DIP2C: variants seen among roughly 807,000 people sequenced by gnomAD.
The protein encoded by DIP2C is disco-interacting protein 2 homolog C.
Under a neutral mutation model 192.4 loss-of-function variants are expected in DIP2C, and 33 were observed. The observed-to-expected ratio is 0.17, with a 90% confidence interval of 0.13 to 0.23. The LOEUF is 0.23. Ranked by LOEUF, DIP2C falls within the 10% of genes least tolerant of loss-of-function variation. The probability of loss-of-function intolerance (pLI) is 1.00; values close to 1 mark genes in which losing one functional copy is unlikely to be tolerated. For missense variants in DIP2C, 1,537 were observed against 2,110.1 expected, an observed-to-expected ratio of 0.73 and a Z score of 5.32; for synonymous variants, 979 against 864.1, an observed-to-expected ratio of 1.13 and a Z score of -2.33.
At chr10:567,797 C>T (rs930459179) in intron 1 of DIP2C, among the ~76,000 whole-genome samples, 5 of 151,894 alleles carry the variant, frequency 3.3e-5, no homozygotes, top group African/African-American at 1.2e-4. Context: ...ACCACCTCAC[C>T]CTGCTGATTT....
Position 597,986 on chromosome 10 carries a change from G to A in DIP2C, c.85+91508C>T, listed in dbSNP as rs561393771. Among the ~76,000 whole-genome samples the A allele has an allele frequency of 1.1e-4, 17 of 152,280 alleles. No homozygotes were observed. In the East Asian group the frequency reaches 3.1e-3, roughly 28 times the overall value. ...CCCACGGTTCCCTACCTGGACTCTG[G>A]GGCTGACGTGGCTTCATGCACTCAG... On this transcript the variant is annotated intron_variant, in intron 1 of 36. Coordinates refer to ENST00000280886, the MANE Select transcript of DIP2C (RefSeq NM_014974.3).
intron 4 of DIP2C, among the ~76,000 whole-genome samples, chr10:436,232 G>A (rs941612643): frequency 4.6e-5 from 7 of 152,182 alleles, no homozygotes; most frequent in African/African-American, 1.7e-4. Flanking sequence ...CGGTTTCTCT[G>A]TGTATGCAGT....
chr10:542,230 C>T (rs985461919), intron 1 of DIP2C, among the ~76,000 whole-genome samples: 1 of 152,234 alleles, frequency 6.6e-6, no homozygotes, highest in Non-Finnish European at 1.5e-5. Context: ...CGAGTTACCT[C>T]CTGGGCGATG....
At chr10:511,157 T>C (rs1019801115) in intron 1 of DIP2C, among the ~76,000 whole-genome samples, 4 of 152,232 alleles carry the variant, frequency 2.6e-5, no homozygotes, top group Non-Finnish European at 4.4e-5. Context: ...ACATTCACGC[T>C]GAACACACTG....
At chr10:600,488 G>A (rs1189650481) in intron 1 of DIP2C, among the ~76,000 whole-genome samples, 3 of 150,628 alleles carry the variant, frequency 2.0e-5, no homozygotes, top group African/African-American at 5.0e-5. Context: ...TAAAGACGAC[G>A]GCCCAGGGTG....
chr10:363,445 T>A lies in DIP2C; in HGVS notation c.2478-134A>T, dbSNP rs191711028. 2.3e-3 allele frequency: 1,653 copies of A among 709,320 alleles called. 14 individuals are homozygous for A. The highest frequency in any genetic ancestry group is 0.016 in the Middle Eastern group (64 of 4,096). 43.9% of individuals were successfully genotyped at this position (709,320 alleles called of 1,614,324 possible). A position where few individuals can be genotyped will look rare whatever the true frequency, so the allele number is the denominator to read the frequency against. ...TACGACTTCAAAACGGCCGCTGTACTTCCGAATTTCCCCACACTCATCAGT... is the reference window on the plus strand; with the variant it reads ...TACGACTTCAAAACGGCCGCTGTACATCCGAATTTCCCCACACTCATCAGT... On this transcript the variant is annotated intron_variant, in intron 20 of 36. Transcript: ENST00000280886. The surrounding 1 kb of genome is among the most constrained non-coding windows in gnomAD (Gnocchi z 5.4).
At chr10:365,808 T>A (rs936823866) in intron 19 of DIP2C, among the ~76,000 whole-genome samples, 5 of 152,130 alleles carry the variant, frequency 3.3e-5, no homozygotes, top group African/African-American at 7.2e-5. Flanking sequence ...ACACGTGTGC[T>A]CGAGTTCTCA....
At chr10:573,440 CCT>C (rs1166859727) in intron 1 of DIP2C, among the ~76,000 whole-genome samples, 1 of 152,192 alleles carries the variant, frequency 6.6e-6, no homozygotes, top group Non-Finnish European at 1.5e-5. Context: ...ACAGGGTCGC[CCT>C]CTGTCAACAA....
chr10:280,576 G>C (rs976284064), intron 36 of DIP2C, among the ~76,000 whole-genome samples: 1 of 152,216 alleles, frequency 6.6e-6, no homozygotes, highest in Non-Finnish European at 1.5e-5. Flanking sequence ...ACCTACTGCT[G>C]AATCTCCGGC....
chr10:608,057 C>T (rs974702860), intron 1 of DIP2C, among the ~76,000 whole-genome samples: 5 of 151,178 alleles, frequency 3.3e-5, no homozygotes, highest in Non-Finnish European at 7.4e-5. Context: ...AAATGTTCAT[C>T]AGCAAATCTG....
chr10:403,754 G>A (rs1382772292), intron 9 of DIP2C, among the ~76,000 whole-genome samples: 2 of 150,964 alleles, frequency 1.3e-5, no homozygotes, highest in African/African-American at 4.9e-5. Context: ...ATCAGCCCAT[G>A]AATCCTGTGA....
intron 1 of DIP2C, among the ~76,000 whole-genome samples, chr10:676,655 T>G (rs1830887796): frequency 6.6e-6 from 1 of 151,876 alleles, no homozygotes; most frequent in East Asian, 1.9e-4. Flanking sequence ...GCAATCCCAT[T>G]TAGCTACAAA....
At position 277,306 on chromosome 10, in the gene DIP2C, T is replaced by C. The variant is rs201760359; in HGVS notation, c.*19A>G. 30 of 1,612,366 alleles carry C rather than the reference T, an allele frequency of 1.9e-5. No individual in the cohort carries two copies. The highest frequency in any genetic ancestry group is 2.5e-5 in the Non-Finnish European group (29 of 1,179,410). On this transcript the variant is annotated 3_prime_UTR_variant, in exon 37 of 37. Transcript: ENST00000280886. ...ATGTCTACATCTCTAGAAAAGTCCA[T>C]GGAAGCCAAGAGACGAGACTACATG... is the stretch of plus-strand genomic sequence containing the variant.
intron 3 of DIP2C, among the ~76,000 whole-genome samples, chr10:446,663 G>A (rs1432652035): frequency 6.6e-6 from 1 of 152,186 alleles, no homozygotes; most frequent in Non-Finnish European, 1.5e-5. Flanking sequence ...CCAACTGTGG[G>A]CAGAGCGCCC....
At chr10:366,457 G>A (rs1960221958) in intron 18 of DIP2C, 46 bp from the exon 19 acceptor site, 2 of 1,612,030 alleles carry the variant, frequency 1.2e-6, no homozygotes, top group Non-Finnish European at 1.7e-6. Flanking sequence ...GGGGGCAGGT[G>A]GGGAGAATAA....
At chr10:441,502 G>A (rs892200880) in intron 3 of DIP2C, among the ~76,000 whole-genome samples, 1 of 152,198 alleles carries the variant, frequency 6.6e-6, no homozygotes, top group Non-Finnish European at 1.5e-5. Flanking sequence ...ATGTGTTGTG[G>A]GAGGGACCCA....
At chr10:431,672 G>A (rs1023693871) in intron 4 of DIP2C, among the ~76,000 whole-genome samples, 10 of 152,108 alleles carry the variant, frequency 6.6e-5, no homozygotes, top group Non-Finnish European at 1.2e-4. Context: ...TTCTACATAG[G>A]CAAACATGCC....
At position 364,451 on chromosome 10, in the gene DIP2C, G is replaced by A. The variant is rs760509549; in HGVS notation, c.2400C>T (p.Ser800=). The A allele has an allele frequency of 2.0e-5, 32 of 1,613,984 alleles. No homozygotes were observed. The highest frequency in any genetic ancestry group is 5.3e-5 in the African/African-American group (4 of 74,922). ...VGKMDGLMVV[S]GRRHNADDIV... Reference sequence around the variant, plus strand: ...TGTCGTCGGCGTTGTGCCTGCGCCCGCTGACCACCATGAGGCCATCCATCT... The same window carrying A: ...TGTCGTCGGCGTTGTGCCTGCGCCCACTGACCACCATGAGGCCATCCATCT... The change falls in exon 20 of 37, where the codon AGC becomes AGT. Residue 800 remains serine, a synonymous_variant. Coordinates refer to ENST00000280886, the MANE Select transcript of DIP2C (RefSeq NM_014974.3).
At chr10:325,532 C>T (rs187915372) in intron 31 of DIP2C, among the ~76,000 whole-genome samples, 2 of 152,144 alleles carry the variant, frequency 1.3e-5, no homozygotes, top group Admixed American at 6.5e-5. Context: ...TTTCCTCTTG[C>T]CCGGGGGTCC....
Sources: allele counts gnomAD v4.1 joint callset (sites outside exome capture counted in the v4.1 genomes callset), GRCh38; gene constraint gnomAD v4.1.1; non-coding constraint Gnocchi (gnomAD v3.1); transcripts MANE v1.5; gene names NCBI Gene and HGNC (gene_info 2026-07-23, HGNC 2026-07-21).